NOX3: variants seen among roughly 807,000 people sequenced by gnomAD.
NOX3 encodes the protein NADPH oxidase 3.
In NOX3, 74 loss-of-function variants were observed where a neutral mutation model predicts 76.7. That is an observed-to-expected ratio of 0.96 (90% CI 0.80 to 1.17). NOX3 has a LOEUF of 1.17. Ranked by LOEUF, NOX3 falls within the 50% of genes most tolerant of loss-of-function variation. The pLI is 0.00. For missense variants in NOX3, 695 were observed against 703.3 expected, an observed-to-expected ratio of 0.99 and a Z score of 0.13; for synonymous variants, 263 against 261.1, an observed-to-expected ratio of 1.01 and a Z score of -0.07.
chr6:155,442,994 ATAT>A (rs1777013274), intron 5 of NOX3, among the ~76,000 whole-genome samples: 1 of 152,238 alleles, frequency 6.6e-6, no homozygotes, highest in Non-Finnish European at 1.5e-5. Context: ...AAATTTTAAA[ATAT>A]TAGGAATTTA....
intron 12 of NOX3, among the ~76,000 whole-genome samples, chr6:155,400,063 CA>C (rs1779202455): frequency 6.6e-6 from 1 of 152,116 alleles, no homozygotes; most frequent in African/African-American, 2.4e-5. Context: ...CTCTGATAAA[CA>C]ATAAAGAAAA....
At chr6:155,404,508 G>A (rs1357576029) in intron 12 of NOX3, among the ~76,000 whole-genome samples, 1 of 152,176 alleles carries the variant, frequency 6.6e-6, no homozygotes, top group African/African-American at 2.4e-5. Context: ...ACCTGGAAAA[G>A]TCTCCAAGGC....
At chr6:155,411,007 C>T (rs1649103533) in intron 11 of NOX3, among the ~76,000 whole-genome samples, 1 of 152,190 alleles carries the variant, frequency 6.6e-6, no homozygotes, top group African/African-American at 2.4e-5. Flanking sequence ...AGCAAGTTAA[C>T]TGTAGCTTCT....
intron 12 of NOX3, among the ~76,000 whole-genome samples, chr6:155,401,416 C>T (rs909736981): frequency 1.3e-5 from 2 of 152,124 alleles, no homozygotes; most frequent in Non-Finnish European, 2.9e-5. Context: ...ATTTTAGTCA[C>T]ATAATGAATG....
chr6:155,420,343 G>A (rs1014567795), intron 10 of NOX3, among the ~76,000 whole-genome samples: 2 of 152,194 alleles, frequency 1.3e-5, no homozygotes, highest in African/African-American at 4.8e-5. Flanking sequence ...TGGAAACCAT[G>A]AAGCAGTGAG....
intron 7 of NOX3, among the ~76,000 whole-genome samples, chr6:155,433,263 C>G (rs1486052822): frequency 6.6e-6 from 1 of 152,186 alleles, no homozygotes; most frequent in Non-Finnish European, 1.5e-5. Context: ...AGTGTCGTTA[C>G]CTGTGTTGTG....
chr6:155,455,010 T>C lies in NOX3; in HGVS notation c.144+24A>G, dbSNP rs773296385. 144 of 1,581,174 alleles carry C rather than the reference T, an allele frequency of 9.1e-5. 1 individual carries two copies. In the East Asian group the frequency reaches 2.9e-3, roughly 31 times the overall value. On this transcript the variant is annotated intron_variant, in intron 2 of 13. Transcript: ENST00000159060. ...TGCATTTTGTTTTCTGAAAAAATAA[T>C]GTTTAATCATAAACTGTACTTACAC...
chr6:155,440,327 G>A (rs1229827005), intron 5 of NOX3, among the ~76,000 whole-genome samples, 190 bp from the exon 6 acceptor site: 1 of 151,846 alleles, frequency 6.6e-6, no homozygotes, highest in Non-Finnish European at 1.5e-5. Flanking sequence ...CAAGAAGCGA[G>A]CTTACTCTTC....
intron 7 of NOX3, among the ~76,000 whole-genome samples, chr6:155,435,736 A>G (rs559122515): frequency 1.3e-5 from 2 of 152,302 alleles, no homozygotes; most frequent in South Asian, 2.1e-4. Flanking sequence ...GCACTGTTCT[A>G]AGATACCAGA....
At chr6:155,426,999 G>GTGTGTGTGTGTGTA (rs1776765114) in intron 9 of NOX3, among the ~76,000 whole-genome samples, 3 of 119,726 alleles carry the variant, frequency 2.5e-5, no homozygotes, top group South Asian at 3.5e-4. Flanking sequence ...GTGTGTGTGT[G>GTGTGTGTGTGTGTA]TGTGTGTGTG....
chr6:155,431,218 C>T (rs779539545), intron 7 of NOX3, among the ~76,000 whole-genome samples: 4 of 151,876 alleles, frequency 2.6e-5, no homozygotes, highest in Non-Finnish European at 5.9e-5. Context: ...ATTGAATTTG[C>T]AAAGAAATAA....
At position 155,411,215 on chromosome 6, in the gene NOX3, T is replaced by G. The variant is rs774190121; in HGVS notation, c.1454A>C (p.Gln485Pro). Reference protein sequence around the residue: ...HIFLTGWDENQALHIALHWDE... With the variant: ...HIFLTGWDENPALHIALHWDE... ...TTATTCTCAGAGTCTTATCAGTACC[T>G]GATTTTCATCCCAGCCGGTAAGAAA... The change falls in exon 11 of 14, where the codon CAG (glutamine) becomes CCG (proline). Residue 485 changes from glutamine (Q) to proline (P), a missense_variant and splice_region_variant. Gln to Pro is a moderately conservative substitution (Grantham distance 76). Coordinates refer to ENST00000159060, the MANE Select transcript of NOX3 (RefSeq NM_015718.3). 1.9e-6 allele frequency: 3 copies of G among 1,613,414 alleles called. No homozygotes were observed. In the Admixed American group the frequency reaches 5.0e-5, roughly 27 times the overall value.
intron 11 of NOX3, among the ~76,000 whole-genome samples, chr6:155,407,951 T>C (rs1776486748): frequency 6.6e-6 from 1 of 152,020 alleles, no homozygotes; most frequent in Non-Finnish European, 1.5e-5. Flanking sequence ...CTTGTGATCA[T>C]TTTTGTTTGT....
At chr6:155,433,036 T>C (rs954729089) in intron 7 of NOX3, among the ~76,000 whole-genome samples, 1 of 152,166 alleles carries the variant, frequency 6.6e-6, no homozygotes, top group African/African-American at 2.4e-5. Flanking sequence ...TCTTCATATA[T>C]TTTTACAAAT....
chr6:155,410,833 T>C (rs935491120), intron 11 of NOX3, among the ~76,000 whole-genome samples: 1 of 152,214 alleles, frequency 6.6e-6, no homozygotes, highest in African/African-American at 2.4e-5. Flanking sequence ...TGCTTAGCTC[T>C]GAACAGCTCA....
At chr6:155,435,448 C>T (rs532024797) in intron 7 of NOX3, among the ~76,000 whole-genome samples, 44 of 152,202 alleles carry the variant, frequency 2.9e-4, no homozygotes, top group African/African-American at 9.6e-4. Flanking sequence ...ATATCTATTC[C>T]GGTTCTCTCG....
At chr6:155,443,839 C>T (rs1168516910) in intron 4 of NOX3, among the ~76,000 whole-genome samples, 2 of 150,270 alleles carry the variant, frequency 1.3e-5, no homozygotes, top group African/African-American at 4.9e-5. Context: ...TGATACTGTA[C>T]AAAAATCTCC....
intron 12 of NOX3, 76 bp from the exon 13 acceptor site, chr6:155,397,038 A>T (rs1651069325): frequency 4.4e-6 from 6 of 1,372,198 alleles, no homozygotes; most frequent in Non-Finnish European, 4.9e-6. Context: ...CAATGATAAG[A>T]TTAATGAAGT....
At chr6:155,431,413 A>AACATAC (rs1554263959) in intron 7 of NOX3, among the ~76,000 whole-genome samples, 1 of 144,642 alleles carries the variant, frequency 6.9e-6, no homozygotes, top group African/African-American at 2.6e-5. Flanking sequence ...TAAACACAGA[A>AACATAC]ACACACACAC....
Sources: allele counts gnomAD v4.1 joint callset (sites outside exome capture counted in the v4.1 genomes callset), GRCh38; gene constraint gnomAD v4.1.1; transcripts MANE v1.5; gene names NCBI Gene and HGNC (gene_info 2026-07-23, HGNC 2026-07-21).